The following DIP2C variants were observed in gnomAD, a reference collection of about 807,000 sequenced individuals.
DIP2C encodes the protein disco-interacting protein 2 homolog C.
DIP2C carries 33 observed loss-of-function variants against 192.4 expected under a neutral mutation model. The observed-to-expected ratio is 0.17, with a 90% CI of 0.13 to 0.23. The LOEUF is 0.23. Ranked by LOEUF, DIP2C falls within the 10% of genes least tolerant of loss-of-function variation. The pLI is 1.00. For synonymous variants in DIP2C, 979 were observed against 864.1 expected (o/e 1.13, Z -2.33); for missense variants, 1,537 against 2,110.1 (o/e 0.73, Z 5.32).
At chr10:537,919 A>G (rs1454534949) in intron 1 of DIP2C, among the ~76,000 whole-genome samples, 1 of 151,768 alleles carries the variant, frequency 6.6e-6, no homozygotes. Context: ...CCTCCCAAGC[A>G]GCCTGGATTA....
intron 1 of DIP2C, among the ~76,000 whole-genome samples, chr10:645,774 G>T: frequency 6.6e-6 from 1 of 152,096 alleles, no homozygotes; most frequent in Non-Finnish European, 1.5e-5. Flanking sequence ...TGAATGGGGG[G>T]GGCTATTTTG....
intron 1 of DIP2C, among the ~76,000 whole-genome samples, chr10:685,135 C>CCA (rs1831263245): frequency 4.1e-5 from 3 of 72,966 alleles, no homozygotes; most frequent in African/African-American, 1.4e-4. Context: ...ACTTGGTCCC[C>CCA]AAAAAAAAAA....
At position 595,825 on chromosome 10, in the gene DIP2C, T is replaced by C. The variant is rs570760969; in HGVS notation, c.85+93669A>G. ...TCCTTCGAAGCTCAAGCCCATGTTGTTCAGGGTCAGCCGCACTTACTACTT... is the reference window on the plus strand; with the variant it reads ...TCCTTCGAAGCTCAAGCCCATGTTGCTCAGGGTCAGCCGCACTTACTACTT... On this transcript the variant is annotated intron_variant, in intron 1 of 36. Coordinates refer to ENST00000280886, the MANE Select transcript of DIP2C (RefSeq NM_014974.3). 6.6e-5 allele frequency among the ~76,000 whole-genome samples: 10 copies of C among 152,344 alleles called. No homozygotes were observed. In the South Asian group the frequency reaches 2.1e-3, roughly 32 times the overall value.
chr10:475,087 C>A lies in DIP2C; in HGVS notation c.158-2538G>T, dbSNP rs986880200. 1.1e-4 allele frequency among the ~76,000 whole-genome samples: 17 copies of A among 152,188 alleles called. 1 individual carries two copies. Among genetic ancestry groups the A allele is most frequent in the African/African-American group, 3.9e-4 (16 of 41,454 alleles). On this transcript the variant is annotated intron_variant, in intron 2 of 36. Transcript: ENST00000280886. The stretch of plus-strand genomic sequence containing the variant: ...TTTCCAACACAGGCATGTTCACCCT[C>A]TAACCTGGAGCCTCTGTTGTCAGTA...
chr10:356,148 T>A (rs1959069317), intron 24 of DIP2C: 1 of 563,618 alleles, frequency 1.8e-6, no homozygotes, highest in Non-Finnish European at 3.2e-6. Context: ...AGACTTACGA[T>A]TTCTCTCTTG....
chr10:459,432 T>A (rs1969572386), intron 3 of DIP2C, among the ~76,000 whole-genome samples: 1 of 152,200 alleles, frequency 6.6e-6, no homozygotes, highest in African/African-American at 2.4e-5. Context: ...CAGATGCTGA[T>A]CCCTGAGAGG....
chr10:470,284 TCA>T (rs1970526399), intron 3 of DIP2C, among the ~76,000 whole-genome samples: 1 of 152,150 alleles, frequency 6.6e-6, no homozygotes, highest in Admixed American at 6.6e-5. Flanking sequence ...GCGCCATATT[TCA>T]CAATTTTACA....
At chr10:550,579 C>G (rs988168825) in intron 1 of DIP2C, among the ~76,000 whole-genome samples, 1 of 152,152 alleles carries the variant, frequency 6.6e-6, no homozygotes. Context: ...TTACAACAAT[C>G]AGATCTGTGA....
intron 1 of DIP2C, among the ~76,000 whole-genome samples, chr10:506,796 G>A (rs962177362): frequency 1.2e-4 from 19 of 152,328 alleles, no homozygotes; most frequent in African/African-American, 3.8e-4. Flanking sequence ...CTCACACCCA[G>A]GAAACGAGCC....
chr10:634,791 A>C (rs1468059805), intron 1 of DIP2C, among the ~76,000 whole-genome samples: 1 of 152,024 alleles, frequency 6.6e-6, no homozygotes, highest in Non-Finnish European at 1.5e-5. Flanking sequence ...AAAAAGAAAA[A>C]AATGATTCTC....
In DIP2C at chr10:565,198, T is replaced by G. The variant is rs200419381; in HGVS notation, c.86-78668A>C. Among the ~76,000 whole-genome samples, 159 of 152,144 alleles carry G rather than the reference T, an allele frequency of 1.0e-3. 2 individuals carry two copies. The highest frequency in any genetic ancestry group is 3.3e-3 in the African/African-American group (135 of 41,468). On this transcript the variant is annotated intron_variant, in intron 1 of 36. Transcript: ENST00000280886. ...CAAGAGAACACGTCCATTCCATCAA[T>G]AGACTAAGCGTGAATGTCCTCTCTG... is the stretch of plus-strand genomic sequence containing the variant.
At chr10:502,059 T>C (rs769973290) in intron 1 of DIP2C, among the ~76,000 whole-genome samples, 2 of 152,200 alleles carry the variant, frequency 1.3e-5, no homozygotes, top group Non-Finnish European at 2.9e-5. Flanking sequence ...GGTGGGAGGA[T>C]TGCTCGAGCC....
Position 414,010 on chromosome 10 carries a change from C to T in DIP2C, c.960G>A (p.Leu320=), listed in dbSNP as rs755172392. The change falls in exon 8 of 37, where the codon CTG becomes CTA. Residue 320 remains leucine, a synonymous_variant. Coordinates refer to ENST00000280886, the MANE Select transcript of DIP2C (RefSeq NM_014974.3). Reference sequence around the variant, plus strand: ...TGCCCCACCTCTGCAGTGCGGCCTCCAGCGACGGCGGCCAGTTCGTGACCA... The same window carrying T: ...TGCCCCACCTCTGCAGTGCGGCCTCTAGCGACGGCGGCCAGTTCGTGACCA... The part of the protein sequence containing the change: ...LGVVTNWPPS[L]EAALQRWGTI... The T allele has an allele frequency of 5.0e-6, 8 of 1,614,148 alleles. No individual in the cohort carries two copies. In the South Asian group the frequency reaches 7.7e-5, roughly 16 times the overall value.
intron 8 of DIP2C, among the ~76,000 whole-genome samples, chr10:410,592 G>T (rs1965121586): frequency 6.6e-6 from 1 of 152,104 alleles, no homozygotes; most frequent in African/African-American, 2.4e-5. Context: ...ACAAGATTAG[G>T]GAACTATTAT....
rs960425688 is a variant in DIP2C at position 672,084 on chromosome 10, C to T, written c.85+17410G>A. Among the ~76,000 whole-genome samples, 8 of 150,630 alleles carry T rather than the reference C, an allele frequency of 5.3e-5. No homozygotes were observed. In the South Asian group the frequency reaches 6.3e-4, roughly 12 times the overall value. ...AGACGGAGGAAACGCCACAGACGCA[C>T]GGACGGAGTAAACAGGCCACAGACG... On this transcript the variant is annotated intron_variant, in intron 1 of 36. Coordinates refer to ENST00000280886, the MANE Select transcript of DIP2C (RefSeq NM_014974.3).
chr10:359,247 C>A (rs1464240185), intron 22 of DIP2C, among the ~76,000 whole-genome samples: 1 of 152,192 alleles, frequency 6.6e-6, no homozygotes, highest in Admixed American at 6.5e-5. Flanking sequence ...CTAGCCGGCC[C>A]CCAGGGAGAG....
intron 1 of DIP2C, among the ~76,000 whole-genome samples, chr10:498,790 C>A (rs1440867556): frequency 1.3e-5 from 2 of 152,204 alleles, no homozygotes; most frequent in Admixed American, 1.3e-4. Flanking sequence ...TTCCCAGTAA[C>A]ACCCCAGGCC....
intron 2 of DIP2C, chr10:485,062 G>A: frequency 7.5e-7 from 1 of 1,331,412 alleles, no homozygotes; most frequent in Non-Finnish European, 1.0e-6. Flanking sequence ...ACCACCAAGG[G>A]GACCACAGGG....
chr10:454,094 G>A (rs1338439122), intron 3 of DIP2C, among the ~76,000 whole-genome samples: 5 of 152,188 alleles, frequency 3.3e-5, no homozygotes, highest in Admixed American at 2.6e-4. Flanking sequence ...AATTGATAGA[G>A]GTGCATTTGG....
Sources: allele counts gnomAD v4.1 joint callset (sites outside exome capture counted in the v4.1 genomes callset), GRCh38; gene constraint gnomAD v4.1.1; transcripts MANE v1.5; gene names NCBI Gene and HGNC (gene_info 2026-07-23, HGNC 2026-07-21).